Variants in ETV6 observed in about 807,000 individuals in gnomAD.
The protein encoded by ETV6 is transcription factor ETV6.
A neutral mutation model predicts 51.1 loss-of-function variants in ETV6; 16 were observed. The ratio of observed to expected loss-of-function variants is 0.31; its 90% CI spans 0.21 to 0.48. The LOEUF is 0.48. Ranked by LOEUF, ETV6 falls within the 20% of genes least tolerant of loss-of-function variation. The pLI is 0.99. For synonymous variants in ETV6, 240 were observed against 224.1 expected (o/e 1.07, Z -0.64); for missense variants, 458 against 594.8 (o/e 0.77, Z 2.39).
chr12:11,864,322 C>T (rs527678232), intron 4 of ETV6, among the ~76,000 whole-genome samples: 4 of 152,322 alleles, frequency 2.6e-5, no homozygotes, highest in South Asian at 2.1e-4. Context: ...TACTGACCAA[C>T]GCCTGTGACC....
At chr12:11,650,578 T>C (rs1166389111) in intron 1 of ETV6, among the ~76,000 whole-genome samples, 2 of 146,180 alleles carry the variant, frequency 1.4e-5, no homozygotes, top group East Asian at 4.3e-4. Context: ...CGAGGGGTGG[T>C]CGTCTTAGAA....
At chr12:11,712,946 G>A (rs1014858037) in intron 1 of ETV6, among the ~76,000 whole-genome samples, 8 of 152,122 alleles carry the variant, frequency 5.3e-5, no homozygotes, top group South Asian at 4.1e-4. Context: ...TTTCTGCCTC[G>A]TTTACTTTCC....
intron 1 of ETV6, among the ~76,000 whole-genome samples, chr12:11,682,312 G>C (rs1864545522): frequency 6.6e-6 from 1 of 152,166 alleles, no homozygotes. Context: ...TTTCTGTAAT[G>C]ACCAGTGATG....
chr12:11,667,696 A>ATTT (rs34458275), intron 1 of ETV6, among the ~76,000 whole-genome samples: 1,653 of 72,888 alleles, frequency 0.023, 82 homozygotes, highest in East Asian at 0.083. Flanking sequence ...TACCTGGCTA[A>ATTT]TTTTTTTTTT....
chr12:11,877,907 C>T (rs1293466328), intron 5 of ETV6, among the ~76,000 whole-genome samples: 4 of 152,214 alleles, frequency 2.6e-5, no homozygotes, highest in Non-Finnish European at 4.4e-5. Flanking sequence ...CTGTCCCCCC[C>T]TGCCTCACTG....
intron 1 of ETV6, among the ~76,000 whole-genome samples, chr12:11,732,637 C>G (rs1443121436): frequency 6.6e-6 from 1 of 152,088 alleles, no homozygotes; most frequent in African/African-American, 2.4e-5. Flanking sequence ...TTTGTCAGGG[C>G]TGGGGGCTTC....
In ETV6 at chr12:11,808,064, A is replaced by T. The variant is rs75670256; in HGVS notation, c.164-31076A>T. On this transcript the variant is annotated intron_variant, in intron 2 of 7. Transcript: ENST00000396373. The stretch of plus-strand genomic sequence containing the variant: ...AAGAAACATAAAATTCACTTGAAAA[A>T]GAATACCTACAAGGCATTCCTAGAA... 5.8e-4 allele frequency among the ~76,000 whole-genome samples: 89 copies of T among 152,390 alleles called. 1 individual carries two copies. The East Asian group carries it at 0.014, about 25-fold the overall frequency.
intron 2 of ETV6, among the ~76,000 whole-genome samples, chr12:11,830,478 G>A (rs960107026): frequency 6.6e-6 from 1 of 152,208 alleles, no homozygotes; most frequent in East Asian, 1.9e-4. Context: ...TAGCTCCCTC[G>A]CAGAATAGAT....
At chr12:11,857,888 C>T (rs1171487919) in intron 4 of ETV6, among the ~76,000 whole-genome samples, 2 of 152,208 alleles carry the variant, frequency 1.3e-5, no homozygotes, top group African/African-American at 2.4e-5. Flanking sequence ...CCCCACATTA[C>T]GTCCAAGGAA....
intron 7 of ETV6, 97 bp from the exon 8 acceptor site, chr12:11,890,844 G>A (rs1237886323): frequency 9.8e-6 from 9 of 920,538 alleles, no homozygotes; most frequent in African/African-American, 1.7e-5. Context: ...AGCTGTATAA[G>A]ATGATGGAGT....
At chr12:11,724,859 A>G (rs1007086751) in intron 1 of ETV6, among the ~76,000 whole-genome samples, 1 of 152,196 alleles carries the variant, frequency 6.6e-6, no homozygotes, top group Non-Finnish European at 1.5e-5. Flanking sequence ...CTGTATTAAC[A>G]TGAAATCGTA....
chr12:11,749,288 TACACACACACACACAC>T (rs761925697), intron 1 of ETV6, among the ~76,000 whole-genome samples: 3,220 of 122,918 alleles, frequency 0.026, 69 homozygotes, highest in Non-Finnish European at 0.037. Flanking sequence ...ATCCCCCCCA[TACACACACACACACAC>T]ACACACACAC....
At chr12:11,717,409 G>A (rs1865297715) in intron 1 of ETV6, among the ~76,000 whole-genome samples, 1 of 152,178 alleles carries the variant, frequency 6.6e-6, no homozygotes, top group African/African-American at 2.4e-5. Context: ...CTGTGCACAG[G>A]GATTCAGACA....
chr12:11,683,019 A>G (rs1289920808), intron 1 of ETV6, among the ~76,000 whole-genome samples: 1 of 152,212 alleles, frequency 6.6e-6, no homozygotes, highest in Non-Finnish European at 1.5e-5. Context: ...TTACTTAAAG[A>G]TTCCTCCTTG....
intron 2 of ETV6, among the ~76,000 whole-genome samples, chr12:11,816,467 C>T (rs192223885): frequency 6.6e-6 from 1 of 152,204 alleles, no homozygotes; most frequent in Admixed American, 6.5e-5. Flanking sequence ...AGGATGGTCT[C>T]GATCTCCTGA....
chr12:11,878,767 C>G (rs535609647), intron 5 of ETV6, among the ~76,000 whole-genome samples: 1 of 149,028 alleles, frequency 6.7e-6, no homozygotes, highest in African/African-American at 2.5e-5. Flanking sequence ...CCTGGCTGCA[C>G]TGGATTGACC....
At chr12:11,690,431 C>T (rs974123958) in intron 1 of ETV6, among the ~76,000 whole-genome samples, 1 of 151,942 alleles carries the variant, frequency 6.6e-6, no homozygotes, top group Non-Finnish European at 1.5e-5. Flanking sequence ...AACACATTAT[C>T]TTCATATTTT....
At chr12:11,731,841 C>T (rs1865605787) in intron 1 of ETV6, among the ~76,000 whole-genome samples, 1 of 152,172 alleles carries the variant, frequency 6.6e-6, no homozygotes, top group East Asian at 1.9e-4. Flanking sequence ...CAGCTAAATG[C>T]ATTTTGTCTG....
chr12:11,672,135 C>T (rs1411035469), intron 1 of ETV6, among the ~76,000 whole-genome samples: 1 of 151,970 alleles, frequency 6.6e-6, no homozygotes, highest in Non-Finnish European at 1.5e-5. Flanking sequence ...TGAGAGGTGA[C>T]TTCTGGACCC....
Sources: gnomAD v4.1 joint callset for allele counts (sites outside exome capture counted in the v4.1 genomes callset) on GRCh38, gnomAD v4.1.1 for gene constraint, MANE v1.5 for transcripts, NCBI Gene and HGNC (gene_info 2026-07-23, HGNC 2026-07-21) for gene names.